Variants in POT1 observed in about 807,000 individuals in gnomAD.
The protein encoded by POT1 is protection of telomeres 1.
A neutral mutation model predicts 78.5 loss-of-function variants in POT1; 47 were observed. That is an observed-to-expected ratio of 0.60 (90% CI 0.47 to 0.76). The LOEUF (loss-of-function observed/expected upper bound fraction) is 0.76, where lower values mean the gene tolerates loss of function less well. Ranked by LOEUF, POT1 falls within the 30% of genes least tolerant of loss-of-function variation. POT1 has a pLI of 0.00. For missense variants in POT1, 646 were observed against 749.9 expected (o/e 0.86, Z 1.62); for synonymous variants, 259 against 260.7 (o/e 0.99, Z 0.06).
intron 17 of POT1, among the ~76,000 whole-genome samples, chr7:124,825,582 TC>T (rs1466924291): frequency 6.6e-6 from 1 of 152,112 alleles, no homozygotes; most frequent in African/African-American, 2.4e-5. Flanking sequence ...AGTAAATTGC[TC>T]TGATTTAATA....
At position 124,822,479 on chromosome 7, in the gene POT1, G is replaced by A. The variant is rs1465326024; in HGVS notation, c.*1483C>T. On this transcript the variant is annotated 3_prime_UTR_variant, in exon 19 of 19. Coordinates refer to ENST00000357628, the MANE Select transcript of POT1 (RefSeq NM_015450.3). Reference sequence around the variant, plus strand: ...ATAGGAAGAGTTTTCCTTTGTTAACGTGGAGATCTTGCAGGCTCACAGTGT... The same window carrying A: ...ATAGGAAGAGTTTTCCTTTGTTAACATGGAGATCTTGCAGGCTCACAGTGT... 3 of 438,734 alleles carry A rather than the reference G, an allele frequency of 6.8e-6. No individual in the cohort carries two copies. Among genetic ancestry groups the A allele is most frequent in the South Asian group, 3.2e-5 (2 of 62,446 alleles). 27.2% of individuals were successfully genotyped at this position (438,734 alleles called of 1,614,324 possible).
At chr7:124,921,246 G>C (rs1295911348) in intron 2 of POT1, among the ~76,000 whole-genome samples, 1 of 152,068 alleles carries the variant, frequency 6.6e-6, no homozygotes, top group Non-Finnish European at 1.5e-5. Flanking sequence ...GTCAAAACTA[G>C]ATGCAGCTTG....
intron 4 of POT1, among the ~76,000 whole-genome samples, chr7:124,897,621 AT>A (rs1796524163): frequency 6.6e-6 from 1 of 151,914 alleles, no homozygotes; most frequent in African/African-American, 2.4e-5. Flanking sequence ...AAAGAAAAAA[AT>A]CAATAAGGAA....
chr7:124,836,040 A>G (rs1794893562), intron 14 of POT1, among the ~76,000 whole-genome samples: 1 of 152,174 alleles, frequency 6.6e-6, no homozygotes, highest in African/African-American at 2.4e-5. Context: ...GCAAAATGAA[A>G]AGGATTTAAA....
chr7:124,863,924 G>A (rs1401059997), intron 7 of POT1, among the ~76,000 whole-genome samples: 1 of 151,988 alleles, frequency 6.6e-6, no homozygotes, highest in African/African-American at 2.4e-5. Flanking sequence ...TATCAAGCTT[G>A]CAGTTTTACA....
chr7:124,861,073 G>A (rs1408721088), intron 8 of POT1, among the ~76,000 whole-genome samples: 1 of 152,180 alleles, frequency 6.6e-6, no homozygotes, highest in Non-Finnish European at 1.5e-5. Context: ...ACATACGTGT[G>A]CATGTGTCTT....
At chr7:124,885,439 T>C (rs1193638204) in intron 6 of POT1, among the ~76,000 whole-genome samples, 1 of 151,862 alleles carries the variant, frequency 6.6e-6, no homozygotes, top group East Asian at 1.9e-4. Flanking sequence ...GGCAGTGCAC[T>C]GCAGCCTAGT....
intron 6 of POT1, among the ~76,000 whole-genome samples, chr7:124,891,501 T>C (rs1796371160): frequency 1.3e-5 from 2 of 151,550 alleles, no homozygotes; most frequent in African/African-American, 4.8e-5. Context: ...GGTAATTTAA[T>C]TCATTTATAA....
chr7:124,918,374 T>C (rs193051670), intron 2 of POT1, among the ~76,000 whole-genome samples: 31 of 152,254 alleles, frequency 2.0e-4, no homozygotes, highest in Middle Eastern at 3.4e-3. Context: ...AAACTGTTTG[T>C]TTTCAGGGGT....
chr7:124,889,363 C>T (rs996698657), intron 6 of POT1, among the ~76,000 whole-genome samples: 3 of 152,036 alleles, frequency 2.0e-5, no homozygotes, highest in African/African-American at 7.2e-5. Flanking sequence ...CACATTGGTT[C>T]ATGGCATTTC....
At chr7:124,868,121 T>A (rs1052998503) in intron 7 of POT1, among the ~76,000 whole-genome samples, 1 of 152,194 alleles carries the variant, frequency 6.6e-6, no homozygotes, top group African/African-American at 2.4e-5. Context: ...CTATGAACTA[T>A]GATCTTCAAA....
rs570271598 is a variant in POT1, at chr7:124,910,896, C to G, written c.-154+4678G>C. Among the ~76,000 whole-genome samples, 29 of 152,102 alleles carry G rather than the reference C, an allele frequency of 1.9e-4. No homozygotes were observed. In the South Asian group the frequency reaches 5.0e-3, roughly 26 times the overall value. On this transcript the variant is annotated intron_variant, in intron 3 of 18. Coordinates refer to ENST00000357628, the MANE Select transcript of POT1 (RefSeq NM_015450.3). The stretch of plus-strand genomic sequence containing the variant: ...AAAAAGCATAACACATTGATACACT[C>G]AAATACATTTTTAAATGTATTCATA...
At chr7:124,836,048 A>T (rs1207724758) in intron 14 of POT1, among the ~76,000 whole-genome samples, 1 of 152,200 alleles carries the variant, frequency 6.6e-6, no homozygotes, top group East Asian at 1.9e-4. Flanking sequence ...AAAAGGATTT[A>T]AAAAATACCT....
intron 2 of POT1, among the ~76,000 whole-genome samples, chr7:124,923,555 AT>A: frequency 6.6e-6 from 1 of 151,970 alleles, no homozygotes; most frequent in African/African-American, 2.4e-5. Flanking sequence ...AAACATATGA[AT>A]TATCAGTATT....
intron 3 of POT1, among the ~76,000 whole-genome samples, chr7:124,903,327 C>T (rs1315627583): frequency 1.3e-5 from 2 of 152,224 alleles, no homozygotes; most frequent in African/African-American, 4.8e-5. Flanking sequence ...AACTGTCTTT[C>T]AGACCACAGT....
intron 6 of POT1, among the ~76,000 whole-genome samples, chr7:124,890,779 T>C (rs979915884): frequency 1.2e-4 from 18 of 151,668 alleles, no homozygotes; most frequent in Non-Finnish European, 2.9e-5. Flanking sequence ...CAGCATGGAG[T>C]TTCCTTAATT....
In POT1 at chr7:124,822,610, A is replaced by G. The variant is rs1419284517; in HGVS notation, c.*1352T>C. ...TATCCTGAGCACATCATCAACACGG[A>G]AACACACCTGTTCAACTGTAGGGTT... On this transcript the variant is annotated 3_prime_UTR_variant, in exon 19 of 19. Transcript: ENST00000357628. 1 of 443,648 alleles carries G rather than the reference A, an allele frequency of 2.3e-6. No individual in the cohort carries two copies. Among genetic ancestry groups the G allele is most frequent in the Non-Finnish European group, 4.6e-6 (1 of 218,030 alleles). The allele number at this position is 443,648 out of a possible 1,614,324, so 27.5% of individuals were successfully genotyped here. A position where few individuals can be genotyped will look rare whatever the true frequency, so the allele number is the denominator to read the frequency against.
chr7:124,908,915 C>A (rs946234759), intron 3 of POT1, among the ~76,000 whole-genome samples: 36 of 151,722 alleles, frequency 2.4e-4, no homozygotes, highest in African/African-American at 8.5e-4. Flanking sequence ...CTTAAAAGGA[C>A]CTTAGAGACC....
chr7:124,925,453 A>G (rs931257699), intron 2 of POT1, among the ~76,000 whole-genome samples: 1 of 152,072 alleles, frequency 6.6e-6, no homozygotes, highest in African/African-American at 2.4e-5. Flanking sequence ...GATGAAATAA[A>G]TTGTAAACAA....
Sources: allele counts gnomAD v4.1 joint callset (sites outside exome capture counted in the v4.1 genomes callset), GRCh38; gene constraint gnomAD v4.1.1; transcripts MANE v1.5; gene names NCBI Gene and HGNC (gene_info 2026-07-23, HGNC 2026-07-21).